The following CDH18 variants were observed in gnomAD, a reference collection of about 807,000 sequenced individuals.
The protein encoded by CDH18 is cadherin 18.
In CDH18, 31 loss-of-function variants were observed where a neutral mutation model predicts 67.9. That is an observed-to-expected ratio of 0.46 (90% CI 0.34 to 0.62). The LOEUF (loss-of-function observed/expected upper bound fraction) is 0.62. Among genes scored for constraint, CDH18 ranks in the 20% least tolerant of loss-of-function variants. The pLI is 0.01. For missense variants in CDH18, 890 were observed against 975.5 expected, an observed-to-expected ratio of 0.91 and a Z score of 1.17; for synonymous variants, 362 against 347.2, an observed-to-expected ratio of 1.04 and a Z score of -0.48.
intron 5 of CDH18, among the ~76,000 whole-genome samples, chr5:19,641,275 T>C (rs1753961899): frequency 6.6e-6 from 1 of 151,888 alleles, no homozygotes; most frequent in African/African-American, 2.4e-5. Flanking sequence ...GAAGGATTAA[T>C]ATCAATCATT....
chr5:20,036,398 TAAAA>T (rs1428452883), intron 2 of CDH18, among the ~76,000 whole-genome samples: 8 of 151,730 alleles, frequency 5.3e-5, no homozygotes. Context: ...AGATGATACT[TAAAA>T]AGAAGAAAAA....
chr5:19,661,516 C>G (rs983753766), intron 5 of CDH18, among the ~76,000 whole-genome samples: 2 of 151,652 alleles, frequency 1.3e-5, no homozygotes, highest in African/African-American at 4.8e-5. Context: ...TTTAACAAAA[C>G]TAGGGAGAGG....
intron 1 of CDH18, among the ~76,000 whole-genome samples, chr5:20,284,726 T>A (rs142130806): frequency 2.0e-5 from 3 of 152,086 alleles, no homozygotes; most frequent in Middle Eastern, 3.4e-3. Context: ...ATTCTTTTTT[T>A]AAAACTAATA....
At chr5:19,628,655 C>G (rs62351282) in intron 5 of CDH18, among the ~76,000 whole-genome samples, 8,692 of 151,916 alleles carry the variant, frequency 0.057, 276 homozygotes, top group Non-Finnish European at 0.074. Flanking sequence ...GGTTGGAAAT[C>G]AGGAGTTCAA....
intron 1 of CDH18, among the ~76,000 whole-genome samples, chr5:20,324,132 A>C (rs1295615166): frequency 6.6e-6 from 1 of 152,206 alleles, no homozygotes; most frequent in Non-Finnish European, 1.5e-5. Flanking sequence ...GACCCAACCC[A>C]CCACCACTCA....
chr5:19,950,234 G>A (rs1249411250), intron 2 of CDH18, among the ~76,000 whole-genome samples: 1 of 151,984 alleles, frequency 6.6e-6, no homozygotes, highest in Non-Finnish European at 1.5e-5. Context: ...CCTGGATGGA[G>A]TTAGAAACAA....
intron 3 of CDH18, among the ~76,000 whole-genome samples, chr5:19,768,531 A>G (rs1773360329): frequency 6.6e-6 from 1 of 152,128 alleles, no homozygotes; most frequent in Admixed American, 6.6e-5. Flanking sequence ...TAAACTTTCC[A>G]GCTGAGTGTT....
Position 20,279,725 on chromosome 5 carries a change from A to AAAAAAAAAAAAAAAAAAC in CDH18, c.-579-24221_-579-24220insGTTTTTTTTTTTTTTTTT, listed in dbSNP as rs59764100. 2.9e-4 allele frequency among the ~76,000 whole-genome samples: 38 copies of AAAAAAAAAAAAAAAAAAC among 128,856 alleles called. 1 individual carries two copies. Among genetic ancestry groups the AAAAAAAAAAAAAAAAAAC allele is most frequent in the African/African-American group, 5.1e-4 (15 of 29,358 alleles). 84.5% of individuals were successfully genotyped at this position (128,856 alleles called of 152,430 possible). A position where few individuals can be genotyped will look rare whatever the true frequency, so the allele number is the denominator to read the frequency against. ...AAAAAAAAAAAAAAAAAAAAAAAAA[A>AAAAAAAAAAAAAAAAAAC]AAAGCAAAAACTGTAAGAGCGAGAT... is the stretch of plus-strand genomic sequence containing the variant. On this transcript the variant is annotated intron_variant, in intron 1 of 14. Transcript: ENST00000507958.
intron 1 of CDH18, among the ~76,000 whole-genome samples, chr5:20,568,383 A>G (rs1758631089): frequency 1.3e-5 from 2 of 152,134 alleles, no homozygotes; most frequent in South Asian, 4.1e-4. Flanking sequence ...TGTCACTTAG[A>G]TTGAAGGAAA....
intron 2 of CDH18, among the ~76,000 whole-genome samples, chr5:20,057,822 C>T (rs191337360): frequency 6.6e-6 from 1 of 152,188 alleles, no homozygotes; most frequent in African/African-American, 2.4e-5. Context: ...TAAATAAAGA[C>T]TACTTGGTGT....
intron 5 of CDH18, among the ~76,000 whole-genome samples, chr5:19,666,240 A>ATTT (rs1276638097): frequency 3.3e-5 from 2 of 60,232 alleles, no homozygotes; most frequent in Non-Finnish European, 5.7e-5. Context: ...TATGATTTTT[A>ATTT]TTATTATTAT....
intron 2 of CDH18, among the ~76,000 whole-genome samples, chr5:20,134,290 C>T (rs1180227488): frequency 6.6e-6 from 1 of 152,034 alleles, no homozygotes; most frequent in Non-Finnish European, 1.5e-5. Context: ...TCTTGTATAT[C>T]GTTTTTATTT....
At chr5:19,557,752 C>A (rs1410168375) in intron 8 of CDH18, among the ~76,000 whole-genome samples, 1 of 151,958 alleles carries the variant, frequency 6.6e-6, no homozygotes, top group East Asian at 1.9e-4. Context: ...AGAAAGTCAA[C>A]AAAGAAACAA....
chr5:19,859,587 A>G (rs1035186952), intron 2 of CDH18, among the ~76,000 whole-genome samples: 11 of 152,068 alleles, frequency 7.2e-5, no homozygotes, highest in Non-Finnish European at 4.4e-5. Flanking sequence ...TGTATCCACA[A>G]CTCATTATCC....
intron 4 of CDH18, among the ~76,000 whole-genome samples, chr5:19,732,937 C>T (rs531934670): frequency 6.6e-6 from 1 of 152,154 alleles, no homozygotes; most frequent in African/African-American, 2.4e-5. Context: ...CTGATGATAG[C>T]TCCCTTTTAC....
intron 1 of CDH18, among the ~76,000 whole-genome samples, chr5:20,432,291 A>T (rs1433294800): frequency 6.6e-6 from 1 of 152,162 alleles, no homozygotes; most frequent in Non-Finnish European, 1.5e-5. Context: ...GTTCAATCTC[A>T]TTCAGAGCCT....
chr5:20,231,928 T>C (rs1742109802), intron 2 of CDH18, among the ~76,000 whole-genome samples: 1 of 152,096 alleles, frequency 6.6e-6, no homozygotes, highest in Non-Finnish European at 1.5e-5. Flanking sequence ...AATCAATAGA[T>C]TTCTATTGTT....
chr5:19,492,868 T>C (rs1254085545), intron 11 of CDH18, among the ~76,000 whole-genome samples: 2 of 152,134 alleles, frequency 1.3e-5, no homozygotes, highest in Non-Finnish European at 2.9e-5. Context: ...GCCACCACAA[T>C]TTGGTACTAA....
At chr5:20,205,888 T>C (rs897864898) in intron 2 of CDH18, among the ~76,000 whole-genome samples, 2 of 151,604 alleles carry the variant, frequency 1.3e-5, no homozygotes, top group Admixed American at 6.6e-5. Flanking sequence ...TAAATATCTA[T>C]ACCAAAAAAG....
Sources: allele counts gnomAD v4.1 joint callset (sites outside exome capture counted in the v4.1 genomes callset), GRCh38; gene constraint gnomAD v4.1.1; transcripts MANE v1.5; gene names NCBI Gene and HGNC (gene_info 2026-07-23, HGNC 2026-07-21).